ATP8A2: variants seen among roughly 807,000 people sequenced by gnomAD.
The protein encoded by ATP8A2 is phospholipid-transporting ATPase IB.
Under a neutral mutation model 165.6 loss-of-function variants are expected in ATP8A2, and 100 were observed. The observed-to-expected ratio is 0.60, with a 90% CI of 0.51 to 0.71. The LOEUF (loss-of-function observed/expected upper bound fraction) is 0.71, where lower values mean the gene tolerates loss of function less well. Ranked by LOEUF, ATP8A2 falls within the 30% of genes least tolerant of loss-of-function variation. ATP8A2 has a pLI of 0.00. For synonymous variants in ATP8A2, 543 were observed against 548.8 expected, an observed-to-expected ratio of 0.99 and a Z score of 0.15; for missense variants, 1,227 against 1,479.5, an observed-to-expected ratio of 0.83 and a Z score of 2.80.
At chr13:25,895,012 T>C (rs1172627218) in intron 33 of ATP8A2, among the ~76,000 whole-genome samples, 1 of 152,218 alleles carries the variant, frequency 6.6e-6, no homozygotes, top group Non-Finnish European at 1.5e-5. Flanking sequence ...TTTTCCTAAT[T>C]GAATGCCCTT....
chr13:25,481,187 GAGGGAC>G (rs2036187610), intron 2 of ATP8A2, among the ~76,000 whole-genome samples: 3 of 148,734 alleles, frequency 2.0e-5, no homozygotes, highest in African/African-American at 7.7e-5. Context: ...GGGAGAGGGA[GAGGGAC>G]AGGGAGAGGA....
chr13:25,440,085 T>C (rs2034890658), intron 1 of ATP8A2, among the ~76,000 whole-genome samples: 1 of 151,560 alleles, frequency 6.6e-6, no homozygotes. Flanking sequence ...CTGGAGGGGG[T>C]GCTAGTGTTG....
At chr13:25,528,130 A>G (rs2037900732) in intron 2 of ATP8A2, among the ~76,000 whole-genome samples, 1 of 152,170 alleles carries the variant, frequency 6.6e-6, no homozygotes, top group African/African-American at 2.4e-5. Flanking sequence ...TTTTTAATGA[A>G]CTTAATGTCA....
intron 12 of ATP8A2, among the ~76,000 whole-genome samples, chr13:25,554,209 A>G (rs1032414130): frequency 3.3e-5 from 5 of 152,166 alleles, no homozygotes; most frequent in African/African-American, 1.2e-4. Context: ...CGCTTTTAAC[A>G]TCTAATTAAG....
At chr13:25,730,878 C>A (rs964496907) in intron 25 of ATP8A2, among the ~76,000 whole-genome samples, 1 of 151,862 alleles carries the variant, frequency 6.6e-6, no homozygotes, top group Non-Finnish European at 1.5e-5. Flanking sequence ...GAGTTGGAGA[C>A]CAGCCTGGGA....
At chr13:25,559,684 A>G (rs2039083935) in intron 14 of ATP8A2, 37 bp from the exon 15 acceptor site, 8 of 1,563,926 alleles carry the variant, frequency 5.1e-6, no homozygotes, top group African/African-American at 1.3e-5. Context: ...TTTTGATCAC[A>G]GTTTTGTGAC....
At chr13:25,837,134 C>T (rs1951633893) in intron 28 of ATP8A2, 29 bp from the exon 29 acceptor site, 1 of 1,609,550 alleles carries the variant, frequency 6.2e-7, no homozygotes, top group African/African-American at 1.3e-5. Context: ...CGAAGGGCTG[C>T]TTTTAATGGC....
At chr13:25,532,991 C>G (rs937693708) in intron 5 of ATP8A2, among the ~76,000 whole-genome samples, 2 of 152,040 alleles carry the variant, frequency 1.3e-5, no homozygotes, top group Non-Finnish European at 2.9e-5. Flanking sequence ...AATTGTGGAA[C>G]AGCAGGCTTT....
intron 19 of ATP8A2, among the ~76,000 whole-genome samples, chr13:25,576,845 C>G (rs1053505727): frequency 6.6e-6 from 1 of 152,112 alleles, no homozygotes; most frequent in Non-Finnish European, 1.5e-5. Context: ...CGGTCCTAGT[C>G]TATTTTCATG....
At chr13:25,623,949 A>G (rs61947479) in intron 24 of ATP8A2, among the ~76,000 whole-genome samples, 5,815 of 152,166 alleles carry the variant, frequency 0.038, 134 homozygotes, top group Non-Finnish European at 0.052. Context: ...ATATAAATAT[A>G]CATATATCTA....
In ATP8A2 at chr13:25,547,988, C is replaced by T. The variant is rs192618899; in HGVS notation, c.892-3350C>T. 2.5e-4 allele frequency among the ~76,000 whole-genome samples: 38 copies of T among 152,124 alleles called. No individual in the cohort carries two copies. In the East Asian group the frequency reaches 5.6e-3, roughly 22 times the overall value. On this transcript the variant is annotated intron_variant, in intron 10 of 36. Coordinates refer to ENST00000381655, the MANE Select transcript of ATP8A2 (RefSeq NM_016529.6). Reference sequence around the variant, plus strand: ...CCTGTAATCCTAGCACATTGGGAGGCGGAGGTGGGCAGATTGCCTGACCTC... The same window carrying T: ...CCTGTAATCCTAGCACATTGGGAGGTGGAGGTGGGCAGATTGCCTGACCTC...
intron 2 of ATP8A2, among the ~76,000 whole-genome samples, chr13:25,526,520 C>T (rs561568690): frequency 6.6e-6 from 1 of 152,270 alleles, no homozygotes; most frequent in East Asian, 1.9e-4. Context: ...GCCTCCTTTT[C>T]AGCATTAGAT....
At chr13:26,007,039 A>G (rs1956755260) in intron 35 of ATP8A2, among the ~76,000 whole-genome samples, 1 of 150,960 alleles carries the variant, frequency 6.6e-6, no homozygotes, top group African/African-American at 2.4e-5. Context: ...TTCTGTGCCA[A>G]TCTGTACTCC....
chr13:25,665,370 C>T (rs1380385212), intron 24 of ATP8A2, among the ~76,000 whole-genome samples: 5 of 152,026 alleles, frequency 3.3e-5, no homozygotes, highest in South Asian at 2.1e-4. Flanking sequence ...AGGAGGGAGG[C>T]GTGCCTGAGC....
chr13:25,461,142 C>T (rs2035492766), intron 1 of ATP8A2, among the ~76,000 whole-genome samples: 1 of 152,206 alleles, frequency 6.6e-6, no homozygotes, highest in Non-Finnish European at 1.5e-5. Context: ...ATAAGAAATC[C>T]TGACCCATCA....
intron 25 of ATP8A2, among the ~76,000 whole-genome samples, chr13:25,766,495 G>A (rs1049971589): frequency 1.1e-4 from 17 of 152,126 alleles, no homozygotes; most frequent in African/African-American, 4.1e-4. Flanking sequence ...ACGACTTCTC[G>A]AACTTTAGGG....
intron 30 of ATP8A2, among the ~76,000 whole-genome samples, chr13:25,848,448 G>A (rs1462702389): frequency 6.6e-6 from 1 of 152,234 alleles, no homozygotes; most frequent in East Asian, 1.9e-4. Flanking sequence ...TCACTTAGTT[G>A]TGTACCCAGG....
At chr13:25,822,553 C>T (rs1159079601) in intron 27 of ATP8A2, among the ~76,000 whole-genome samples, 4 of 152,056 alleles carry the variant, frequency 2.6e-5, no homozygotes, top group Non-Finnish European at 5.9e-5. Flanking sequence ...CCTTTTCTTC[C>T]CCCTGTGATC....
At chr13:25,880,998 G>C in intron 33 of ATP8A2, 1 of 448,170 alleles carries the variant, frequency 2.2e-6, no homozygotes, top group Non-Finnish European at 4.5e-6. Context: ...GTGTAGACCT[G>C]GGCAAACAGT....
Sources: gnomAD v4.1 joint callset for allele counts (sites outside exome capture counted in the v4.1 genomes callset) on GRCh38, gnomAD v4.1.1 for gene constraint, MANE v1.5 for transcripts, NCBI Gene and HGNC (gene_info 2026-07-23, HGNC 2026-07-21) for gene names.